RNLS: variants seen among roughly 807,000 people sequenced by gnomAD.
RNLS encodes the protein renalase, FAD dependent amine oxidase.
A neutral mutation model predicts 39.8 loss-of-function variants in RNLS; 39 were observed. That is an observed-to-expected ratio of 0.98 (90% CI 0.76 to 1.28). The LOEUF is 1.28. Among genes scored for constraint, RNLS ranks in the 50% most tolerant of loss-of-function variants. The pLI is 0.00. For synonymous variants in RNLS, 147 were observed against 150.7 expected (o/e 0.98, Z 0.18); for missense variants, 410 against 413.3 (o/e 0.99, Z 0.07).
At chr10:88,220,724 A>G in the RNLS span, among the ~76,000 whole-genome samples, 2 of 152,184 alleles carry the variant, frequency 1.3e-5, no homozygotes, top group Non-Finnish European at 2.9e-5. Context: ...TTACTACAAA[A>G]TATACTAAGA....
intron 4 of RNLS, among the ~76,000 whole-genome samples, chr10:88,391,663 TAATG>T (rs1350103110): frequency 6.6e-6 from 1 of 152,192 alleles, no homozygotes; most frequent in Non-Finnish European, 1.5e-5. Context: ...CATGGGGTGA[TAATG>T]AAAATGGCAA....
chr10:88,492,953 T>C (rs886648693), intron 4 of RNLS, among the ~76,000 whole-genome samples: 1 of 152,182 alleles, frequency 6.6e-6, no homozygotes, highest in Non-Finnish European at 1.5e-5. Flanking sequence ...AAATTTTTAA[T>C]ATTTGAAAAT....
chr10:88,452,705 C>T (rs1842426230), intron 4 of RNLS, among the ~76,000 whole-genome samples: 1 of 152,094 alleles, frequency 6.6e-6, no homozygotes, highest in Admixed American at 6.5e-5. Flanking sequence ...GCTACCACCC[C>T]GTCATGTCAT....
At chr10:88,500,779 T>G (rs1845430411) in intron 4 of RNLS, among the ~76,000 whole-genome samples, 1 of 152,144 alleles carries the variant, frequency 6.6e-6, no homozygotes, top group African/African-American at 2.4e-5. Flanking sequence ...TTGGCTTGGT[T>G]GTTTTATTTC....
At chr10:88,540,334 T>C (rs1348498505) in intron 4 of RNLS, among the ~76,000 whole-genome samples, 1 of 152,184 alleles carries the variant, frequency 6.6e-6, no homozygotes, top group Non-Finnish European at 1.5e-5. Context: ...AAAAGTATTA[T>C]AATTTTTCAA....
At chr10:88,502,299 G>A (rs1301662321) in intron 4 of RNLS, among the ~76,000 whole-genome samples, 1 of 141,514 alleles carries the variant, frequency 7.1e-6, no homozygotes, top group African/African-American at 2.6e-5. Flanking sequence ...CAGAGGTGGG[G>A]TAGGGTTGAA....
chr10:88,582,099 G>C (rs996268662), intron 2 of RNLS, 103 bp downstream of exon 2: 4 of 842,834 alleles, frequency 4.7e-6, no homozygotes, highest in Non-Finnish European at 7.2e-6. Context: ...GATATTTATC[G>C]AGCCCTTACT....
At chr10:88,263,232 G>A in the RNLS span, among the ~76,000 whole-genome samples, 3 of 152,180 alleles carry the variant, frequency 2.0e-5, no homozygotes, top group Admixed American at 6.5e-5. Flanking sequence ...AATTCATGAC[G>A]AGAATTTGAG....
At chr10:88,550,354 C>T (rs1848549816) in intron 4 of RNLS, among the ~76,000 whole-genome samples, 1 of 152,036 alleles carries the variant, frequency 6.6e-6, no homozygotes, top group African/African-American at 2.4e-5. Flanking sequence ...TAGTTGAGGC[C>T]ACAGAAGAGT....
chr10:88,411,844 G>A (rs1243697158), intron 4 of RNLS, among the ~76,000 whole-genome samples: 1 of 138,356 alleles, frequency 7.2e-6, no homozygotes, highest in East Asian at 1.9e-4. Context: ...AAGTTTTCCA[G>A]GCAGAAAAGA....
the RNLS span, among the ~76,000 whole-genome samples, chr10:88,253,177 A>T: frequency 6.6e-6 from 1 of 152,102 alleles, no homozygotes; most frequent in Non-Finnish European, 1.5e-5. Context: ...TGATTTACCC[A>T]CTGTATTTCA....
chr10:88,335,934 T>G (rs1017807839), intron 5 of RNLS, among the ~76,000 whole-genome samples: 2 of 152,248 alleles, frequency 1.3e-5, no homozygotes, highest in Non-Finnish European at 2.9e-5. Flanking sequence ...GGTTTGGCAA[T>G]TGGTAAGCAA....
rs184924112 is a variant in RNLS, at chr10:88,439,751, G to C, written c.527-77026C>G. Among the ~76,000 whole-genome samples, 11 of 152,320 alleles carry C rather than the reference G, an allele frequency of 7.2e-5. No individual in the cohort carries two copies. The East Asian group carries it at 1.9e-3, about 27-fold the overall frequency. ...AAGTGACAGATGAAACTCAGACACA[G>C]GTTTCCCAGCTCTGAGTCCAGACTA... On this transcript the variant is annotated intron_variant, in intron 4 of 6. Coordinates refer to ENST00000331772, the MANE Select transcript of RNLS (RefSeq NM_001031709.3).
intron 4 of RNLS, among the ~76,000 whole-genome samples, chr10:88,483,750 C>A (rs1844338617): frequency 6.6e-6 from 1 of 151,966 alleles, no homozygotes; most frequent in African/African-American, 2.4e-5. Context: ...GAATCAATAA[C>A]CTCATACCAC....
intron 4 of RNLS, among the ~76,000 whole-genome samples, chr10:88,548,261 C>CAAAAAAAAAAAAAAAAAAA (rs869175046): frequency 6.2e-5 from 2 of 32,404 alleles, no homozygotes; most frequent in Non-Finnish European, 4.6e-5. Context: ...GACTCCGTCT[C>CAAAAAAAAAAAAAAAAAAA]AAAAAAAAAA....
chr10:88,461,092 A>G (rs1326267171), intron 4 of RNLS, among the ~76,000 whole-genome samples: 1 of 152,098 alleles, frequency 6.6e-6, no homozygotes, highest in Admixed American at 6.6e-5. Context: ...CATCCTTTTC[A>G]GGGAGCTTCT....
intron 4 of RNLS, among the ~76,000 whole-genome samples, chr10:88,411,111 G>A (rs905805896): frequency 6.6e-6 from 1 of 152,158 alleles, no homozygotes; most frequent in East Asian, 1.9e-4. Flanking sequence ...CTCAGCCAAC[G>A]AGCTCTACAG....
chr10:88,575,159 T>TATACACAC (rs1386414416), intron 3 of RNLS, among the ~76,000 whole-genome samples: 8 of 43,398 alleles, frequency 1.8e-4, no homozygotes, highest in African/African-American at 6.1e-4. Flanking sequence ...TATATATATA[T>TATACACAC]ACACACACAC....
chr10:88,357,256 A>T (rs1181597228), intron 5 of RNLS, among the ~76,000 whole-genome samples: 1 of 152,202 alleles, frequency 6.6e-6, no homozygotes, highest in Admixed American at 6.5e-5. Flanking sequence ...CAGATAGTTT[A>T]ATTTACCCAA....
Sources: allele counts gnomAD v4.1 joint callset (sites outside exome capture counted in the v4.1 genomes callset), GRCh38; gene constraint gnomAD v4.1.1; transcripts MANE v1.5; gene names NCBI Gene and HGNC (gene_info 2026-07-23, HGNC 2026-07-21).